ZNF676: variants seen among roughly 807,000 people sequenced by gnomAD.
The protein encoded by ZNF676 is zinc finger protein 676.
Under a neutral mutation model 6.0 loss-of-function variants are expected in ZNF676, and 4 were observed. That is an observed-to-expected ratio of 0.67 (90% CI 0.33 to 1.53). The LOEUF (loss-of-function observed/expected upper bound fraction) is 1.53. ZNF676 is among the 40% of genes most tolerant of loss of function. The probability of loss-of-function intolerance (pLI) is 0.06; values close to 1 mark genes in which losing one functional copy is unlikely to be tolerated. For missense variants in ZNF676, 644 were observed against 679.7 expected (o/e 0.95, Z 0.58); for synonymous variants, 198 against 223.1 (o/e 0.89, Z 1.00).
intron 1 of ZNF676, among the ~76,000 whole-genome samples, chr19:22,195,992 G>A (rs1413675113): frequency 6.6e-6 from 1 of 152,154 alleles, no homozygotes; most frequent in Non-Finnish European, 1.5e-5. Flanking sequence ...TGTAGTTTTT[G>A]GAGTAATGCT....
At chr19:22,192,524 G>A (rs1323405000) in intron 2 of ZNF676, among the ~76,000 whole-genome samples, 3 of 151,786 alleles carry the variant, frequency 2.0e-5, no homozygotes, top group African/African-American at 7.3e-5. Context: ...AAAGCAGAAG[G>A]ATATTATACT....
intron 1 of ZNF676, among the ~76,000 whole-genome samples, chr19:22,204,800 G>C (rs906737897): frequency 6.6e-6 from 1 of 151,990 alleles, no homozygotes; most frequent in Non-Finnish European, 1.5e-5. Context: ...CAAGAAAAAA[G>C]GAAAGCAATG....
the ZNF676 span, among the ~76,000 whole-genome samples, chr19:22,252,743 C>T: frequency 2.6e-5 from 4 of 152,244 alleles, no homozygotes; most frequent in African/African-American, 9.6e-5. Context: ...ACGAGAGTCA[C>T]ATAACCTAAG....
At chr19:22,212,878 C>A (rs1350750513) in intron 1 of ZNF676, among the ~76,000 whole-genome samples, 4 of 151,858 alleles carry the variant, frequency 2.6e-5, no homozygotes, top group Non-Finnish European at 4.4e-5. Flanking sequence ...GCCTGTAGTC[C>A]CAGCTACTTG....
the ZNF676 span, among the ~76,000 whole-genome samples, chr19:22,231,020 T>C: frequency 1.3e-5 from 2 of 152,126 alleles, no homozygotes; most frequent in East Asian, 3.9e-4. Flanking sequence ...TGAAATTTCT[T>C]AGCATAATCA....
chr19:22,222,342 G>A, the ZNF676 span, among the ~76,000 whole-genome samples: 1 of 152,118 alleles, frequency 6.6e-6, no homozygotes, highest in Admixed American at 6.6e-5. Context: ...CTGACCTCAG[G>A]TGATCTGCCT....
the ZNF676 span, among the ~76,000 whole-genome samples, chr19:22,254,630 T>C: frequency 2.6e-5 from 4 of 152,082 alleles, no homozygotes; most frequent in African/African-American, 9.7e-5. Context: ...ACAGATATGT[T>C]ATAATACCTC....
intron 2 of ZNF676, among the ~76,000 whole-genome samples, chr19:22,183,917 T>C (rs936074184): frequency 4.0e-5 from 6 of 151,364 alleles, no homozygotes; most frequent in Admixed American, 3.3e-4. Flanking sequence ...AAAATCTGAA[T>C]GTGTGTATGT....
chr19:22,206,056 A>AACACACACAC (rs71180523), intron 1 of ZNF676, among the ~76,000 whole-genome samples: 1 of 146,572 alleles, frequency 6.8e-6, no homozygotes, highest in African/African-American at 2.5e-5. Flanking sequence ...CCCAAAACTC[A>AACACACACAC]ACACACACAC....
the ZNF676 span, among the ~76,000 whole-genome samples, chr19:22,230,428 C>T: frequency 6.6e-6 from 1 of 151,898 alleles, no homozygotes; most frequent in South Asian, 2.1e-4. Flanking sequence ...AGCAAACCAT[C>T]ATGGCACGTG....
chr19:22,179,407 T>A lies in ZNF676; in HGVS notation c.*543A>T. The A allele has an allele frequency of 3.0e-6, 1 of 328,174 alleles. No homozygotes were observed. Among genetic ancestry groups the A allele is most frequent in the Non-Finnish European group, 6.0e-6 (1 of 167,254 alleles). The allele number at this position is 328,174 out of a possible 1,614,324, so 20.3% of individuals were successfully genotyped here. On this transcript the variant is annotated 3_prime_UTR_variant, in exon 3 of 3. Coordinates refer to ENST00000397121, the MANE Select transcript of ZNF676 (RefSeq NM_001001411.3). ...GAGTTGTCTTATATGTAGTAAGCCT[T>A]AAGGACTGGTTAAAGGCTTTGCCAC...
chr19:22,184,680 G>A (rs1358155610), intron 2 of ZNF676, among the ~76,000 whole-genome samples: 3 of 151,904 alleles, frequency 2.0e-5, no homozygotes, highest in African/African-American at 7.3e-5. Context: ...GAGCTTGGTG[G>A]GGGAAGGGCG....
At chr19:22,219,106 T>G (rs909718201), upstream of ZNF676, among the ~76,000 whole-genome samples, 1 of 151,852 alleles carries the variant, frequency 6.6e-6, no homozygotes, top group Non-Finnish European at 1.5e-5. Context: ...GTTTTGTTTT[T>G]TTTTCTTTTT....
At chr19:22,222,765 C>T in the ZNF676 span, among the ~76,000 whole-genome samples, 1 of 152,152 alleles carries the variant, frequency 6.6e-6, no homozygotes, top group Non-Finnish European at 1.5e-5. Flanking sequence ...ATAGGATTTA[C>T]CTTTAGTTGG....
upstream of ZNF676, among the ~76,000 whole-genome samples, chr19:22,198,312 T>C (rs2023991542): frequency 6.6e-6 from 1 of 152,214 alleles, no homozygotes; most frequent in Non-Finnish European, 1.5e-5. Flanking sequence ...GAAGCCATAA[T>C]ATAGAGAAAG....
chr19:22,221,687 G>A, the ZNF676 span, among the ~76,000 whole-genome samples: 3 of 151,616 alleles, frequency 2.0e-5, no homozygotes, highest in Non-Finnish European at 4.4e-5. Flanking sequence ...GGAGGCAGAG[G>A]TTGCTGTGAG....
At chr19:22,212,426 C>T (rs780617601) in intron 1 of ZNF676, among the ~76,000 whole-genome samples, 19 of 151,892 alleles carry the variant, frequency 1.3e-4, no homozygotes, top group Admixed American at 7.9e-4. Flanking sequence ...GTCAGCCGGG[C>T]ACAGTGGCTC....
At chr19:22,211,694 A>G (rs1004215443) in intron 1 of ZNF676, among the ~76,000 whole-genome samples, 10 of 152,196 alleles carry the variant, frequency 6.6e-5, no homozygotes, top group African/African-American at 2.4e-4. Flanking sequence ...ATAACAGGAT[A>G]TAGAACAAAG....
intron 2 of ZNF676, among the ~76,000 whole-genome samples, chr19:22,190,664 T>TATATACAC (rs1157566142): frequency 8.9e-6 from 1 of 111,826 alleles, no homozygotes; most frequent in African/African-American, 5.3e-5. Flanking sequence ...TATATATATA[T>TATATACAC]ACATACACAC....
Sources: allele counts gnomAD v4.1 joint callset (sites outside exome capture counted in the v4.1 genomes callset), GRCh38; gene constraint gnomAD v4.1.1; transcripts MANE v1.5; gene names NCBI Gene and HGNC (gene_info 2026-07-23, HGNC 2026-07-21).